The following CALN1 variants were observed in gnomAD, a reference collection of about 807,000 sequenced individuals.
CALN1 encodes the protein calneuron 1.
CALN1 carries 17 observed loss-of-function variants against 30.6 expected under a neutral mutation model. The observed-to-expected ratio is 0.56, with a 90% confidence interval of 0.38 to 0.83. The LOEUF is 0.83. Among genes scored for constraint, CALN1 ranks in the 40% least tolerant of loss-of-function variants. The probability of loss-of-function intolerance (pLI) is 0.00; values close to 1 mark genes in which losing one functional copy is unlikely to be tolerated. For missense variants in CALN1, 291 were observed against 354.9 expected (o/e 0.82, Z 1.45); for synonymous variants, 156 against 131.4 (o/e 1.19, Z -1.28).
At chr7:72,233,941 T>C (rs957075194) in intron 3 of CALN1, among the ~76,000 whole-genome samples, 2 of 151,352 alleles carry the variant, frequency 1.3e-5, no homozygotes, top group African/African-American at 4.9e-5. Flanking sequence ...GAGACAGAGG[T>C]TGCAGTGAGT....
At chr7:72,102,252 C>T (rs1806725867) in intron 4 of CALN1, among the ~76,000 whole-genome samples, 1 of 152,026 alleles carries the variant, frequency 6.6e-6, no homozygotes, top group Non-Finnish European at 1.5e-5. Context: ...CGAGACCAGC[C>T]TGGCCAACAT....
rs367852565 is a variant in CALN1 at position 72,354,829 on chromosome 7, G to A, written c.119+48422C>T. ...GATCGTAGACCTAAAAGATAAAGCC[G>A]CAAAACTTTTAAAGAAAACCCAGGA... On this transcript the variant is annotated intron_variant, in intron 2 of 6. Coordinates refer to ENST00000395275, the MANE Select transcript of CALN1 (RefSeq NM_031468.4). 1.5e-4 allele frequency among the ~76,000 whole-genome samples: 23 copies of A among 151,740 alleles called. No homozygotes were observed. The East Asian group carries it at 2.3e-3, about 15-fold the overall frequency.
chr7:71,987,941 C>T (rs1032862749), intron 5 of CALN1, among the ~76,000 whole-genome samples: 5 of 152,194 alleles, frequency 3.3e-5, no homozygotes, highest in Admixed American at 1.3e-4. Context: ...TCGAATCCAG[C>T]GGGTCCAGGG....
chr7:71,920,300 A>C (rs562283734), intron 5 of CALN1, among the ~76,000 whole-genome samples: 10 of 141,274 alleles, frequency 7.1e-5, no homozygotes, highest in East Asian at 6.4e-4. Context: ...TGCATCACTT[A>C]GTTACTGTTT....
At chr7:71,849,563 A>G (rs1352790638) in intron 5 of CALN1, among the ~76,000 whole-genome samples, 1 of 151,896 alleles carries the variant, frequency 6.6e-6, no homozygotes, top group African/African-American at 2.4e-5. Flanking sequence ...TTTTAAATCT[A>G]TCTAATTGGC....
At chr7:72,388,545 G>A (rs1221273120) in intron 2 of CALN1, among the ~76,000 whole-genome samples, 1 of 152,150 alleles carries the variant, frequency 6.6e-6, no homozygotes, top group Non-Finnish European at 1.5e-5. Context: ...ATGCTAATGG[G>A]CGATACTGCG....
intron 3 of CALN1, among the ~76,000 whole-genome samples, chr7:72,134,358 C>T (rs941844492): frequency 2.6e-5 from 4 of 152,130 alleles, no homozygotes; most frequent in East Asian, 1.9e-4. Flanking sequence ...CTAAACAAAA[C>T]ACAAAACCTA....
In CALN1 at chr7:71,887,241, A is replaced by G. The variant is rs560408090; in HGVS notation, c.502-76749T>C. On this transcript the variant is annotated intron_variant, in intron 5 of 6. Transcript: ENST00000395275. ...ACTCAAGTGTTTGGGCTTGATCTGTAAAGTCAAGTGCACCAGGCACACACC... is the reference window on the plus strand; with the variant it reads ...ACTCAAGTGTTTGGGCTTGATCTGTGAAGTCAAGTGCACCAGGCACACACC... Among the ~76,000 whole-genome samples the G allele has an allele frequency of 1.8e-4, 28 of 152,272 alleles. No homozygotes were observed. The South Asian group carries it at 3.7e-3, about 20-fold the overall frequency.
intron 5 of CALN1, among the ~76,000 whole-genome samples, chr7:71,916,387 G>T (rs889039256): frequency 6.6e-5 from 10 of 151,900 alleles, no homozygotes; most frequent in African/African-American, 2.4e-4. Context: ...TTTTAATCAA[G>T]AGAAGAGTCA....
chr7:72,001,917 C>T (rs918490318), intron 5 of CALN1, among the ~76,000 whole-genome samples: 1 of 152,098 alleles, frequency 6.6e-6, no homozygotes, highest in Non-Finnish European at 1.5e-5. Flanking sequence ...TCCACCATAT[C>T]AACAAACTAA....
chr7:72,104,718 G>C (rs1014489792), intron 4 of CALN1, among the ~76,000 whole-genome samples: 2 of 152,122 alleles, frequency 1.3e-5, no homozygotes, highest in African/African-American at 4.8e-5. Context: ...CAGCACTTTG[G>C]GAGGCCGAGG....
intron 2 of CALN1, among the ~76,000 whole-genome samples, chr7:72,339,692 G>A (rs554465033): frequency 6.6e-6 from 1 of 152,340 alleles, no homozygotes; most frequent in South Asian, 2.1e-4. Flanking sequence ...GGCTGGGGAG[G>A]CCTCACAGTC....
At chr7:71,895,740 C>T (rs1331364288) in intron 5 of CALN1, among the ~76,000 whole-genome samples, 1 of 152,196 alleles carries the variant, frequency 6.6e-6, no homozygotes, top group Non-Finnish European at 1.5e-5. Flanking sequence ...ATGACTCCTG[C>T]TAGAGATGTA....
At chr7:72,169,321 G>A (rs953066611) in intron 3 of CALN1, among the ~76,000 whole-genome samples, 9 of 151,804 alleles carry the variant, frequency 5.9e-5, no homozygotes, top group African/African-American at 1.9e-4. Context: ...AGTTTTTATG[G>A]TTTTGTTTTT....
intron 2 of CALN1, among the ~76,000 whole-genome samples, chr7:72,306,786 T>C (rs151171251): frequency 2.0e-5 from 3 of 152,186 alleles, no homozygotes; most frequent in Non-Finnish European, 4.4e-5. Context: ...CTAATATGTA[T>C]AAAACTAAGC....
intron 3 of CALN1, among the ~76,000 whole-genome samples, chr7:72,208,609 T>C (rs1324134737): frequency 6.6e-6 from 1 of 152,216 alleles, no homozygotes; most frequent in Non-Finnish European, 1.5e-5. Flanking sequence ...GGTGGCAGAA[T>C]GCCTGGAGAC....
intron 5 of CALN1, among the ~76,000 whole-genome samples, chr7:71,979,659 CACGGCCGGGGGGTTGGGGACCCCTGCTCT>C (rs1798287895): frequency 6.6e-6 from 1 of 151,896 alleles, no homozygotes; most frequent in Non-Finnish European, 1.5e-5. Context: ...ATTACTGCTC[CACGGCCGGGGGGTTGGGGACCCCTGCTCT>C]ATGGGAACTG....
intron 2 of CALN1, among the ~76,000 whole-genome samples, chr7:72,387,454 C>T (rs1294407882): frequency 6.6e-6 from 1 of 152,116 alleles, no homozygotes; most frequent in Non-Finnish European, 1.5e-5. Context: ...AAAGTTGTAA[C>T]TTCACGGTAG....
intron 4 of CALN1, among the ~76,000 whole-genome samples, chr7:72,048,238 C>T (rs1013685324): frequency 6.6e-6 from 1 of 152,036 alleles, no homozygotes; most frequent in African/African-American, 2.4e-5. Flanking sequence ...CAGGTTTCAC[C>T]CTGTTGGCCA....
Sources: allele counts gnomAD v4.1 joint callset (sites outside exome capture counted in the v4.1 genomes callset), GRCh38; gene constraint gnomAD v4.1.1; transcripts MANE v1.5; gene names NCBI Gene and HGNC (gene_info 2026-07-23, HGNC 2026-07-21).